The following NT5DC1 variants were observed in gnomAD, a reference collection of about 807,000 sequenced individuals.
NT5DC1 encodes the protein 5'-nucleotidase domain-containing protein 1.
In NT5DC1, 42 loss-of-function variants were observed where a neutral mutation model predicts 59.4. The ratio of observed to expected loss-of-function variants is 0.71; its 90% CI spans 0.55 to 0.92. The LOEUF (loss-of-function observed/expected upper bound fraction) is 0.92. NT5DC1 is among the 40% of genes least tolerant of loss of function. NT5DC1 has a pLI of 0.00. For synonymous variants in NT5DC1, 172 were observed against 188.1 expected, an observed-to-expected ratio of 0.91 and a Z score of 0.70; for missense variants, 501 against 537.1, an observed-to-expected ratio of 0.93 and a Z score of 0.66.
Position 116,120,935 on chromosome 6 carries a change from G to C in NT5DC1, c.529+2990G>C, listed in dbSNP as rs201458750. On this transcript the variant is annotated intron_variant, in intron 6 of 11. Transcript: ENST00000319550. ...GTTACCCTTAGGACCATCGAGACCT[G>C]GTTTTCCTGGGTACCCTGGTTTTCC... The C allele has an allele frequency of 2.4e-4, 390 of 1,613,952 alleles. 5 individuals carry two copies. In the East Asian group the frequency reaches 8.3e-3, roughly 35 times the overall value.
intron 6 of NT5DC1, among the ~76,000 whole-genome samples, chr6:116,158,946 CCCATGTGT>C (rs1780268676): frequency 6.6e-6 from 1 of 152,020 alleles, no homozygotes; most frequent in Non-Finnish European, 1.5e-5. Flanking sequence ...TTTATTTGAT[CCCATGTGT>C]AAATGCAAGA....
intron 4 of NT5DC1, among the ~76,000 whole-genome samples, chr6:116,114,428 A>G (rs551928574): frequency 2.6e-5 from 4 of 151,160 alleles, no homozygotes; most frequent in Non-Finnish European, 5.9e-5. Flanking sequence ...TCATTCAGCA[A>G]ACGTCTATTG....
chr6:116,158,280 A>G (rs1306424040), intron 6 of NT5DC1, among the ~76,000 whole-genome samples: 9 of 152,052 alleles, frequency 5.9e-5, no homozygotes, highest in Admixed American at 5.9e-4. Flanking sequence ...TGGCATTTCA[A>G]ACAATAGCTT....
rs528967599 is a variant in NT5DC1, at chr6:116,154,941, A to T, written c.529+36996A>T. Among the ~76,000 whole-genome samples, 2 of 152,358 alleles carry T rather than the reference A, an allele frequency of 1.3e-5. 1 individual carries two copies. The highest frequency in any genetic ancestry group is 1.3e-4 in the Admixed American group (2 of 15,306). On this transcript the variant is annotated intron_variant, in intron 6 of 11. Coordinates refer to ENST00000319550, the MANE Select transcript of NT5DC1 (RefSeq NM_152729.3). ...AACATCATTTAGGAGTTTAAAAAAC[A>T]AACCATAAATAACCATATACAACCA...
intron 6 of NT5DC1, among the ~76,000 whole-genome samples, chr6:116,173,899 T>G (rs1780674306): frequency 1.3e-5 from 2 of 152,172 alleles, no homozygotes; most frequent in Admixed American, 6.5e-5. Context: ...CTAATGTCCT[T>G]TTCCTGTCCC....
chr6:116,213,613 A>G (rs1440334262), intron 6 of NT5DC1, among the ~76,000 whole-genome samples: 1 of 152,136 alleles, frequency 6.6e-6, no homozygotes, highest in Non-Finnish European at 1.5e-5. Flanking sequence ...AACTCAATCC[A>G]CTTCACATCT....
intron 4 of NT5DC1, among the ~76,000 whole-genome samples, chr6:116,112,553 G>T (rs952972468): frequency 1.3e-5 from 2 of 152,150 alleles, no homozygotes; most frequent in Non-Finnish European, 2.9e-5. Context: ...TTACATCTTA[G>T]AGATTCTGGC....
intron 11 of NT5DC1, among the ~76,000 whole-genome samples, chr6:116,242,991 G>T (rs112805259): frequency 6.6e-6 from 1 of 152,080 alleles, no homozygotes; most frequent in Non-Finnish European, 1.5e-5. Flanking sequence ...TCCTCTCTCC[G>T]CTGGTTCCTC....
chr6:116,120,759 G>A (rs1408657631), intron 6 of NT5DC1: 15 of 1,609,686 alleles, frequency 9.3e-6, no homozygotes, highest in Non-Finnish European at 1.3e-5. Context: ...GGCCCAATAG[G>A]GCCTCTAGTA....
At chr6:116,212,416 C>T (rs574433514) in intron 6 of NT5DC1, among the ~76,000 whole-genome samples, 1 of 152,208 alleles carries the variant, frequency 6.6e-6, no homozygotes, top group Admixed American at 6.5e-5. Context: ...TTATATAATA[C>T]ACTGTCTGGA....
At chr6:116,130,060 A>ATT (rs1779423356) in intron 6 of NT5DC1, among the ~76,000 whole-genome samples, 1 of 152,158 alleles carries the variant, frequency 6.6e-6, no homozygotes, top group Non-Finnish European at 1.5e-5. Context: ...AATTGCCTAC[A>ATT]GTCAATATTT....
At chr6:116,108,464 C>G in intron 3 of NT5DC1, 29 bp downstream of exon 3, 1 of 1,296,320 alleles carries the variant, frequency 7.7e-7, no homozygotes, top group Non-Finnish European at 1.1e-6. Flanking sequence ...GAAGTCTAAA[C>G]TTTACCTTCT....
chr6:116,141,351 TC>T (rs1170219511), intron 6 of NT5DC1, among the ~76,000 whole-genome samples: 1 of 152,080 alleles, frequency 6.6e-6, no homozygotes, highest in Non-Finnish European at 1.5e-5. Context: ...TGCAGATACT[TC>T]CAGTTTGTGA....
chr6:116,216,315 TTTTTATA>T lies in NT5DC1; in HGVS notation c.530-4719_530-4713del, dbSNP rs376471220. On this transcript the variant is annotated intron_variant, in intron 6 of 11. Coordinates refer to ENST00000319550, the MANE Select transcript of NT5DC1 (RefSeq NM_152729.3). Reference sequence around the variant, plus strand: ...CAGAAAATAATAGTAAGAATTCTGGTTTTTATATTTTATATTTTATATTTTAGGTCAA... The same window carrying T: ...CAGAAAATAATAGTAAGAATTCTGGTTTTTATATTTTATATTTTAGGTCAA... Among the ~76,000 whole-genome samples the T allele has an allele frequency of 3.0e-3, 459 of 152,038 alleles. 2 individuals are homozygous for T. Among genetic ancestry groups the T allele is most frequent in the African/African-American group, 0.01 (432 of 41,482 alleles).
In NT5DC1 at chr6:116,246,783, C is replaced by G. The variant is rs959494735; in HGVS notation, c.*2759C>G. ...CCATGAGGGCATACCAAGTAATTCA[C>G]CCAGTATGGTCTTATTGCCACCCTT... On this transcript the variant is annotated 3_prime_UTR_variant, in exon 12 of 12. Coordinates refer to ENST00000319550, the MANE Select transcript of NT5DC1 (RefSeq NM_152729.3). 6.6e-6 allele frequency: 1 copy of G among 152,154 alleles called. No individual in the cohort carries two copies. Among genetic ancestry groups the G allele is most frequent in the Non-Finnish European group, 1.5e-5 (1 of 68,012 alleles). The allele number at this position is 152,154 out of a possible 1,614,324, so 9.4% of individuals were successfully genotyped here.
At position 116,238,638 on chromosome 6, in the gene NT5DC1, A is replaced by ACAT. The variant is rs151254292; in HGVS notation, c.1083+303_1084-302dup. 2.5e-3 allele frequency among the ~76,000 whole-genome samples: 382 copies of ACAT among 152,202 alleles called. 1 individual carries two copies. Among genetic ancestry groups the ACAT allele is most frequent in the Non-Finnish European group, 4.6e-3 (311 of 67,994 alleles). On this transcript the variant is annotated intron_variant, in intron 10 of 11. Transcript: ENST00000319550. ...AAGTTGTTTTTTAACTACCCTTTAG[A>ACAT]CATCATCATCATCATAATAGAATAG...
At chr6:116,242,176 T>G (rs893467722) in intron 11 of NT5DC1, among the ~76,000 whole-genome samples, 3 of 149,814 alleles carry the variant, frequency 2.0e-5, no homozygotes, top group Non-Finnish European at 3.0e-5. Flanking sequence ...CGAGACCATC[T>G]TGGCTAACAC....
rs1277512222 is a variant in NT5DC1, at chr6:116,101,022, C to G, written c.92C>G (p.Pro31Arg). 1 of 1,586,798 alleles carries G rather than the reference C, an allele frequency of 6.3e-7. No individual in the cohort carries two copies. Among genetic ancestry groups the G allele is most frequent in the South Asian group, 1.1e-5 (1 of 88,592 alleles). Residue 31 changes from proline (P) to arginine (R), a missense_variant and splice_region_variant, in exon 1 of 12, where the codon CCG (proline) becomes CGG (arginine). Physicochemically the swap from Pro to Arg is moderately radical, Grantham distance 103. Transcript: ENST00000319550. ...LCRYNLPESA[P>R]LIYNSFAQFL... ...CGCTACAACCTGCCCGAGAGCGCCC[C>G]GGTGAGTGGCGCGGGCTCCGGGGCG... is the stretch of plus-strand genomic sequence containing the variant.
chr6:116,135,987 T>G (rs953505196), intron 6 of NT5DC1, among the ~76,000 whole-genome samples: 1 of 151,804 alleles, frequency 6.6e-6, no homozygotes, highest in Non-Finnish European at 1.5e-5. Context: ...AAGTATATGA[T>G]ACAGTATCTC....
Sources: gnomAD v4.1 joint callset for allele counts (sites outside exome capture counted in the v4.1 genomes callset) on GRCh38, gnomAD v4.1.1 for gene constraint, MANE v1.5 for transcripts, NCBI Gene and HGNC (gene_info 2026-07-23, HGNC 2026-07-21) for gene names.